ADGRL3: variants seen among roughly 807,000 people sequenced by gnomAD.
ADGRL3 encodes adhesion G protein-coupled receptor L3, also known as calcium-independent alpha-latrotoxin receptor 3.
In ADGRL3, 62 loss-of-function variants were observed where a neutral mutation model predicts 153.5. That is an observed-to-expected ratio of 0.40 (90% confidence interval 0.33 to 0.50). The LOEUF is 0.50. ADGRL3 is among the 20% of genes least tolerant of loss of function. The pLI is 0.47. For synonymous variants in ADGRL3, 710 were observed against 672.5 expected (o/e 1.06, Z -0.86); for missense variants, 1,641 against 1,859.4 (o/e 0.88, Z 2.16).
intron 1 of ADGRL3, among the ~76,000 whole-genome samples, chr4:61,238,442 G>GGTGT (rs3065319): frequency 0.052 from 7,730 of 147,508 alleles, 221 homozygotes; most frequent in Non-Finnish European, 0.067. Context: ...TCTAATGTGT[G>GGTGT]GTGTGTGTGT....
chr4:61,666,633 G>A (rs988442957), intron 5 of ADGRL3, among the ~76,000 whole-genome samples: 1 of 151,540 alleles, frequency 6.6e-6, no homozygotes, highest in African/African-American at 2.4e-5. Context: ...ACAGTGAAAT[G>A]CACATTGTTT....
At chr4:61,349,061 C>G (rs2095987594) in intron 1 of ADGRL3, among the ~76,000 whole-genome samples, 1 of 151,752 alleles carries the variant, frequency 6.6e-6, no homozygotes, top group African/African-American at 2.4e-5. Flanking sequence ...AATTTAACTG[C>G]CTTGAAATAT....
At chr4:61,620,523 A>G (rs1432303565) in intron 5 of ADGRL3, among the ~76,000 whole-genome samples, 3 of 151,874 alleles carry the variant, frequency 2.0e-5, no homozygotes, top group Non-Finnish European at 4.4e-5. Context: ...GCCGGGTACC[A>G]GTGTCTCTTT....
In ADGRL3 at chr4:62,026,929, T is replaced by C. The variant is rs910025669; in HGVS notation, c.3396-1926T>C. ...ATAGCATCATGCTGTGTATCCAAGA[T>C]ACACATAATGAAATGTATTTAAAAT... On this transcript the variant is annotated intron_variant, in intron 21 of 26. Transcript: ENST00000683033. Among the ~76,000 whole-genome samples the C allele has an allele frequency of 2.2e-4, 34 of 152,074 alleles. 1 individual carries two copies. Among genetic ancestry groups the C allele is most frequent in the Admixed American group, 1.8e-3 (28 of 15,226 alleles).
chr4:61,502,682 A>G (rs1040414421), intron 3 of ADGRL3, among the ~76,000 whole-genome samples: 12 of 152,176 alleles, frequency 7.9e-5, no homozygotes, highest in African/African-American at 2.9e-4. Flanking sequence ...TCTGTTTACA[A>G]TTAAAATACT....
At chr4:61,839,897 C>T (rs2098001706) in intron 9 of ADGRL3, among the ~76,000 whole-genome samples, 2 of 151,106 alleles carry the variant, frequency 1.3e-5, no homozygotes, top group South Asian at 4.2e-4. Flanking sequence ...CTGCAGGGAG[C>T]CATGATTAGG....
At chr4:61,634,401 C>T (rs1279870822) in intron 5 of ADGRL3, among the ~76,000 whole-genome samples, 1 of 152,128 alleles carries the variant, frequency 6.6e-6, no homozygotes, top group Non-Finnish European at 1.5e-5. Context: ...TTACTGAAGA[C>T]TCATTTTTCT....
At chr4:61,207,006 A>AAATG (rs1001994385) in intron 1 of ADGRL3, among the ~76,000 whole-genome samples, 1 of 151,718 alleles carries the variant, frequency 6.6e-6, no homozygotes, top group South Asian at 2.1e-4. Flanking sequence ...ATAAATAAAT[A>AAATG]AATAAAATAA....
intron 5 of ADGRL3, among the ~76,000 whole-genome samples, chr4:61,664,246 T>C (rs2094706490): frequency 6.6e-6 from 1 of 152,082 alleles, no homozygotes; most frequent in African/African-American, 2.4e-5. Context: ...TCTGTAGGTG[T>C]TATGTAAAAT....
intron 25 of ADGRL3, among the ~76,000 whole-genome samples, chr4:62,053,303 G>C (rs933817238): frequency 6.6e-6 from 1 of 151,476 alleles, no homozygotes; most frequent in African/African-American, 2.4e-5. Context: ...CAATAATTGG[G>C]TAGTATTTGA....
At chr4:61,587,014 G>A (rs1304392579) in intron 4 of ADGRL3, among the ~76,000 whole-genome samples, 4 of 151,932 alleles carry the variant, frequency 2.6e-5, no homozygotes, top group African/African-American at 9.7e-5. Context: ...GTGTGATAAA[G>A]ATTTTAAGAA....
At chr4:61,436,569 G>A (rs557438085) in intron 2 of ADGRL3, among the ~76,000 whole-genome samples, 16 of 152,218 alleles carry the variant, frequency 1.1e-4, no homozygotes, top group Non-Finnish European at 1.8e-4. Context: ...TGACATATAC[G>A]TGAGCAATGA....
chr4:61,768,912 C>A (rs2097043349), intron 8 of ADGRL3, among the ~76,000 whole-genome samples: 1 of 150,816 alleles, frequency 6.6e-6, no homozygotes. Context: ...GATTGGGGTG[C>A]AGAGATAAGA....
At chr4:61,917,891 G>T (rs913513558) in intron 13 of ADGRL3, among the ~76,000 whole-genome samples, 1 of 152,222 alleles carries the variant, frequency 6.6e-6, no homozygotes, top group African/African-American at 2.4e-5. Context: ...ATCACAGGGT[G>T]TGAGCCTGTG....
rs35577402 is a variant in ADGRL3 at position 61,290,663 on chromosome 4, A to AAAGG, written c.-240+88920_-240+88923dup. Among the ~76,000 whole-genome samples, 242 of 146,154 alleles carry AAAGG rather than the reference A, an allele frequency of 1.7e-3. 1 individual carries two copies. Among genetic ancestry groups the AAAGG allele is most frequent in the African/African-American group, 5.2e-3 (206 of 39,576 alleles). On this transcript the variant is annotated intron_variant, in intron 1 of 26. Coordinates refer to ENST00000683033, the MANE Select transcript of ADGRL3 (RefSeq NM_001387552.1). ...TCTCAATATAAAGGAAGGAAGGAAG[A>AAAGG]AAGGAAGGAAGGAAGGAAGGAAGGA...
At chr4:61,320,031 C>A (rs1012270772) in intron 1 of ADGRL3, among the ~76,000 whole-genome samples, 2 of 152,072 alleles carry the variant, frequency 1.3e-5, no homozygotes, top group African/African-American at 4.8e-5. Context: ...AGAATTAATG[C>A]TCTTATAAGA....
chr4:61,394,565 T>C (rs57479814), intron 2 of ADGRL3, among the ~76,000 whole-genome samples: 3,946 of 152,108 alleles, frequency 0.026, 154 homozygotes, highest in African/African-American at 0.09. Context: ...ATTACAAATT[T>C]ACACTTAAAT....
intron 8 of ADGRL3, among the ~76,000 whole-genome samples, chr4:61,742,153 C>T (rs1391817212): frequency 6.6e-6 from 1 of 152,108 alleles, no homozygotes; most frequent in Non-Finnish European, 1.5e-5. Flanking sequence ...TGCTTCTACC[C>T]ATCTTAGCAC....
intron 2 of ADGRL3, among the ~76,000 whole-genome samples, chr4:61,404,967 C>T (rs761233379): frequency 6.6e-6 from 1 of 151,936 alleles, no homozygotes; most frequent in Non-Finnish European, 1.5e-5. Flanking sequence ...TACATATAAA[C>T]AGGTGAGATA....
Sources: gnomAD v4.1 joint callset for allele counts (sites outside exome capture counted in the v4.1 genomes callset) on GRCh38, gnomAD v4.1.1 for gene constraint, MANE v1.5 for transcripts, NCBI Gene and HGNC (gene_info 2026-07-23, HGNC 2026-07-21) for gene names.